Variants in LYPD6B observed in about 807,000 individuals in gnomAD.
The protein encoded by LYPD6B is LY6/PLAUR domain containing 6B.
LYPD6B carries 17 observed loss-of-function variants against 22.8 expected under a neutral mutation model. The observed-to-expected ratio is 0.75, with a 90% CI of 0.51 to 1.12. The LOEUF (loss-of-function observed/expected upper bound fraction) is 1.12, where lower values mean the gene tolerates loss of function less well. Ranked by LOEUF, LYPD6B falls within the 50% of genes most tolerant of loss-of-function variation. The pLI, the probability that LYPD6B is intolerant of heterozygous loss-of-function variation, is 0.00. For missense variants in LYPD6B, 221 were observed against 258.3 expected (o/e 0.86, Z 0.99); for synonymous variants, 106 against 91.6 (o/e 1.16, Z -0.90).
intron 1 of LYPD6B, among the ~76,000 whole-genome samples, chr2:149,082,415 T>C (rs958517959): frequency 3.3e-5 from 5 of 152,174 alleles, no homozygotes; most frequent in Admixed American, 3.3e-4. Flanking sequence ...TGATAAATGA[T>C]TATAGATGCC....
chr2:149,131,430 A>T (rs1478148386), intron 2 of LYPD6B: 1 of 152,514 alleles, frequency 6.6e-6, no homozygotes, highest in Admixed American at 6.5e-5. Flanking sequence ...AGGACCAAGT[A>T]AAAAGACAAG....
At chr2:149,154,901 T>C (rs1689604469) in intron 2 of LYPD6B, among the ~76,000 whole-genome samples, 1 of 152,098 alleles carries the variant, frequency 6.6e-6, no homozygotes, top group South Asian at 2.1e-4. Context: ...ATACTCACAA[T>C]CCAATAATTG....
intron 3 of LYPD6B, among the ~76,000 whole-genome samples, chr2:149,169,109 T>A (rs894400361): frequency 3.3e-5 from 5 of 152,162 alleles, no homozygotes; most frequent in Non-Finnish European, 5.9e-5. Flanking sequence ...GAGATTCAGA[T>A]TAATTAGGAA....
intron 1 of LYPD6B, among the ~76,000 whole-genome samples, chr2:149,064,377 G>A (rs999250652): frequency 6.6e-6 from 1 of 152,150 alleles, no homozygotes; most frequent in Admixed American, 6.5e-5. Flanking sequence ...TTTATAGGTA[G>A]CATTTGCCAC....
rs77269612 is a variant in LYPD6B at position 149,158,600 on chromosome 2, T to C, written c.6-2164T>C. Among the ~76,000 whole-genome samples, 1,348 of 152,300 alleles carry C rather than the reference T, an allele frequency of 8.9e-3. 17 individuals are homozygous for C. The highest frequency in any genetic ancestry group is 0.031 in the African/African-American group (1,300 of 41,568). ...AAAAAGTTATGGGAATGGATCATGG[T>C]GATGGTTATACAACACTGTGAATGT... is the stretch of plus-strand genomic sequence containing the variant. On this transcript the variant is annotated intron_variant, in intron 2 of 6. Transcript: ENST00000409642.
chr2:149,209,752 C>T (rs1693728728), intron 5 of LYPD6B, among the ~76,000 whole-genome samples: 1 of 152,118 alleles, frequency 6.6e-6, no homozygotes, highest in Non-Finnish European at 1.5e-5. Flanking sequence ...TCCATGTGGA[C>T]AGTGTTTTTT....
intron 1 of LYPD6B, among the ~76,000 whole-genome samples, chr2:149,119,835 A>G (rs566226969): frequency 5.9e-5 from 9 of 152,366 alleles, no homozygotes; most frequent in African/African-American, 2.2e-4. Context: ...AGCACTGAAC[A>G]ACAACAAATA....
At position 149,214,939 on chromosome 2, in the gene LYPD6B, C is replaced by A. The variant is rs1694098560; in HGVS notation, c.*229C>A. 2 of 549,032 alleles carry A rather than the reference C, an allele frequency of 3.6e-6. No individual in the cohort carries two copies. The highest frequency in any genetic ancestry group is 6.5e-6 in the Non-Finnish European group (2 of 307,120). 34.0% of individuals were successfully genotyped at this position (549,032 alleles called of 1,614,324 possible). ...AGAAGATGGTCTGACTTCCAGGCTTCCTGGTCAAAGAGAGCTACGTTTGGG... is the reference window on the plus strand; with the variant it reads ...AGAAGATGGTCTGACTTCCAGGCTTACTGGTCAAAGAGAGCTACGTTTGGG... On this transcript the variant is annotated 3_prime_UTR_variant, in exon 7 of 7. Coordinates refer to ENST00000409642, the MANE Select transcript of LYPD6B (RefSeq NM_177964.5).
chr2:149,117,983 G>A (rs1169122867), intron 1 of LYPD6B, among the ~76,000 whole-genome samples: 3 of 152,134 alleles, frequency 2.0e-5, no homozygotes, highest in Non-Finnish European at 4.4e-5. Flanking sequence ...GCTGGCAGTT[G>A]GTGTTAGCAA....
intron 2 of LYPD6B, 165 bp downstream of exon 2, chr2:149,131,118 G>T: frequency 3.6e-6 from 2 of 549,728 alleles, no homozygotes; most frequent in Non-Finnish European, 6.4e-6. Context: ...TAAATAATGT[G>T]GTTTCAGTAT....
intron 3 of LYPD6B, among the ~76,000 whole-genome samples, chr2:149,193,860 T>C (rs1692642616): frequency 6.6e-6 from 1 of 152,196 alleles, no homozygotes; most frequent in South Asian, 2.1e-4. Flanking sequence ...TACATTTCCA[T>C]GTAGATATTG....
chr2:149,074,950 G>A (rs930087124), intron 1 of LYPD6B, among the ~76,000 whole-genome samples: 8 of 152,068 alleles, frequency 5.3e-5, no homozygotes, highest in African/African-American at 1.9e-4. Flanking sequence ...ACCCATATTA[G>A]CAGTGTCATA....
chr2:149,175,312 G>C (rs1691215807), intron 3 of LYPD6B, among the ~76,000 whole-genome samples: 2 of 151,814 alleles, frequency 1.3e-5, no homozygotes, highest in Non-Finnish European at 2.9e-5. Context: ...AAAGTATTTG[G>C]GCATCCAAAT....
At chr2:149,198,320 G>T (rs1329313814) in intron 3 of LYPD6B, among the ~76,000 whole-genome samples, 1 of 152,112 alleles carries the variant, frequency 6.6e-6, no homozygotes, top group Non-Finnish European at 1.5e-5. Flanking sequence ...GGGATTACAG[G>T]CATGAGCCAC....
At chr2:149,070,802 TGTTCTGTGAA>T (rs1332455764) in intron 1 of LYPD6B, among the ~76,000 whole-genome samples, 1 of 152,234 alleles carries the variant, frequency 6.6e-6, no homozygotes. Context: ...TATAGAGGCA[TGTTCTGTGAA>T]ACCAGTAAAC....
chr2:149,120,386 T>A (rs370095564), intron 1 of LYPD6B, among the ~76,000 whole-genome samples: 1,920 of 78,588 alleles, frequency 0.024, 15 homozygotes, highest in Non-Finnish European at 0.031. Context: ...TATATATATT[T>A]TTTTTTTTTT....
At chr2:149,052,433 T>G (rs924436487) in intron 1 of LYPD6B, among the ~76,000 whole-genome samples, 1 of 152,208 alleles carries the variant, frequency 6.6e-6, no homozygotes, top group African/African-American at 2.4e-5. Flanking sequence ...AAGTTCTCTT[T>G]CCCTGAAAGC....
chr2:149,169,308 G>T (rs34526806), intron 3 of LYPD6B, among the ~76,000 whole-genome samples: 42,137 of 151,954 alleles, frequency 0.28, 7,132 homozygotes, highest in East Asian at 0.55. Context: ...GCAAACTCAT[G>T]TTAATTAACT....
At chr2:149,164,554 C>T (rs770506113) in intron 3 of LYPD6B, among the ~76,000 whole-genome samples, 9 of 152,114 alleles carry the variant, frequency 5.9e-5, no homozygotes, top group Non-Finnish European at 8.8e-5. Flanking sequence ...CCAAGGAAGC[C>T]AAATTCAGGC....
Sources: allele counts gnomAD v4.1 joint callset (sites outside exome capture counted in the v4.1 genomes callset), GRCh38; gene constraint gnomAD v4.1.1; transcripts MANE v1.5; gene names NCBI Gene and HGNC (gene_info 2026-07-23, HGNC 2026-07-21).